The following ABLIM1 variants were observed in gnomAD, a reference collection of about 807,000 sequenced individuals.
The protein encoded by ABLIM1 is actin binding LIM protein 1.
A neutral mutation model predicts 107.0 loss-of-function variants in ABLIM1; 40 were observed. That is an observed-to-expected ratio of 0.37 (90% CI 0.29 to 0.49). The LOEUF (loss-of-function observed/expected upper bound fraction) is 0.49. ABLIM1 is among the 20% of genes least tolerant of loss of function. ABLIM1 has a pLI of 0.97. For synonymous variants in ABLIM1, 357 were observed against 357.3 expected (o/e 1.00, Z 0.01); for missense variants, 857 against 1,008.5 (o/e 0.85, Z 2.04).
chr10:114,588,364 T>C (rs775122728), intron 2 of ABLIM1, among the ~76,000 whole-genome samples: 1 of 135,556 alleles, frequency 7.4e-6, no homozygotes, highest in African/African-American at 3.3e-5. Flanking sequence ...TGAGGCTGTT[T>C]TGAAAAAAAA....
chr10:114,652,642 T>A (rs73362061), intron 1 of ABLIM1, among the ~76,000 whole-genome samples: 2,586 of 152,316 alleles, frequency 0.017, 65 homozygotes, highest in African/African-American at 0.059. Context: ...AACATTCTGC[T>A]TTGGGATTTG....
rs1186991876 is a variant in ABLIM1 at position 114,707,801 on chromosome 10, T to A, written c.-213+60260A>T. On this transcript the variant is annotated intron_variant, in intron 1 of 15. Transcript: ENST00000651092. This position sits in a 1 kb window ranked among gnomAD's most constrained non-coding sequence, Gnocchi z 4.1. ...CTGTCATCCCAGCTACTCGGCAGGCTGAGGCAGGAGAATCACTTGAACATG... is the reference window on the plus strand; with the variant it reads ...CTGTCATCCCAGCTACTCGGCAGGCAGAGGCAGGAGAATCACTTGAACATG... Among the ~76,000 whole-genome samples the A allele has an allele frequency of 2.6e-5, 4 of 152,006 alleles. No homozygotes were observed. Among genetic ancestry groups the A allele is most frequent in the Non-Finnish European group, 5.9e-5 (4 of 68,012 alleles).
At chr10:114,661,948 G>A (rs11814261), upstream of ABLIM1, among the ~76,000 whole-genome samples, 2 of 152,148 alleles carry the variant, frequency 1.3e-5, no homozygotes, top group Admixed American at 6.5e-5. Context: ...AGTGCTCGGC[G>A]AACAGATGCC....
chr10:114,640,484 G>A (rs1377953079), intron 1 of ABLIM1, among the ~76,000 whole-genome samples: 1 of 152,108 alleles, frequency 6.6e-6, no homozygotes, highest in Admixed American at 6.5e-5. Flanking sequence ...CCGAGATCGC[G>A]CCACTGCACT....
intron 4 of ABLIM1, among the ~76,000 whole-genome samples, chr10:114,556,209 G>A (rs933364687): frequency 4.6e-5 from 7 of 152,210 alleles, no homozygotes; most frequent in African/African-American, 1.7e-4. Context: ...TGGTGGAGGT[G>A]GAATGTGGGA....
chr10:114,601,518 A>G (rs548648978), intron 2 of ABLIM1, among the ~76,000 whole-genome samples: 10 of 152,090 alleles, frequency 6.6e-5, no homozygotes, highest in Admixed American at 1.3e-4. Flanking sequence ...CACCCGCCTC[A>G]GCCTCCCAAA....
At chr10:114,728,723 G>C (rs543780177) in intron 1 of ABLIM1, among the ~76,000 whole-genome samples, 18 of 152,188 alleles carry the variant, frequency 1.2e-4, no homozygotes, top group African/African-American at 3.9e-4. Flanking sequence ...AAGCATGATA[G>C]TGAGAACACC....
chr10:114,608,589 A>G (rs2076586678), intron 1 of ABLIM1, among the ~76,000 whole-genome samples: 1 of 152,042 alleles, frequency 6.6e-6, no homozygotes, highest in Non-Finnish European at 1.5e-5. Flanking sequence ...GAATCACTTG[A>G]ACCTGGGAGG....
intron 4 of ABLIM1, among the ~76,000 whole-genome samples, chr10:114,549,347 C>T (rs1442882193): frequency 6.6e-6 from 1 of 152,124 alleles, no homozygotes; most frequent in Non-Finnish European, 1.5e-5. Flanking sequence ...CATGCCATTG[C>T]ACTCCAGCCT....
At chr10:114,482,540 G>T (rs941343828) in intron 8 of ABLIM1, among the ~76,000 whole-genome samples, 9 of 152,010 alleles carry the variant, frequency 5.9e-5, no homozygotes, top group African/African-American at 2.2e-4. Context: ...GCATTGCTTT[G>T]GAGTTTTCTG....
At chr10:114,507,489 A>G (rs1411331821) in intron 6 of ABLIM1, among the ~76,000 whole-genome samples, 1 of 152,232 alleles carries the variant, frequency 6.6e-6, no homozygotes, top group Non-Finnish European at 1.5e-5. Context: ...AGAAAGAGAC[A>G]CACAATTCAC....
chr10:114,485,333 A>C (rs747331250), intron 8 of ABLIM1: 3 of 1,613,386 alleles, frequency 1.9e-6, no homozygotes, highest in Non-Finnish European at 2.5e-6. Context: ...GTCGAATCAG[A>C]CTTTTGGAAT....
chr10:114,640,097 C>T (rs2078670002), intron 1 of ABLIM1, among the ~76,000 whole-genome samples: 1 of 152,216 alleles, frequency 6.6e-6, no homozygotes, highest in African/African-American at 2.4e-5. Flanking sequence ...CAACCACTCA[C>T]ACCAAAAATG....
intron 7 of ABLIM1, among the ~76,000 whole-genome samples, chr10:114,490,974 A>ATGTGTGTGTGTGTG (rs140256636): frequency 4.2e-4 from 42 of 99,228 alleles, no homozygotes; most frequent in South Asian, 1.2e-3. Context: ...CGGCATATAT[A>ATGTGTGTGTGTGTG]TGTGTGTGTG....
intron 1 of ABLIM1, among the ~76,000 whole-genome samples, chr10:114,740,125 T>A (rs927601679): frequency 6.6e-6 from 1 of 152,128 alleles, no homozygotes; most frequent in Non-Finnish European, 1.5e-5. Flanking sequence ...GTGTCTAGGC[T>A]ATACATGGAG....
chr10:114,724,531 T>A lies in ABLIM1; in HGVS notation c.-213+43530A>T, dbSNP rs147958502. On this transcript the variant is annotated intron_variant, in intron 1 of 15. Coordinates refer to the ABLIM1 transcript ENST00000651092. ...ACAAGGCCTGCCCTGAGAGTCACCC[T>A]GTCTTGCCCAACCTGCTCTCTCCCT... Among the ~76,000 whole-genome samples, 431 of 152,304 alleles carry A rather than the reference T, an allele frequency of 2.8e-3. 4 individuals are homozygous for A. The highest frequency in any genetic ancestry group is 8.3e-3 in the South Asian group (40 of 4,828).
chr10:114,513,372 T>C, intron 6 of ABLIM1, among the ~76,000 whole-genome samples: 1 of 152,160 alleles, frequency 6.6e-6, no homozygotes, highest in African/African-American at 2.4e-5. Context: ...AGAAATTAGC[T>C]TCATTTCAGT....
chr10:114,701,078 C>A (rs2081298496), intron 1 of ABLIM1, among the ~76,000 whole-genome samples: 1 of 151,958 alleles, frequency 6.6e-6, no homozygotes, highest in South Asian at 2.1e-4. Flanking sequence ...AAAAAAAACT[C>A]CTACAACTCA....
intron 6 of ABLIM1, among the ~76,000 whole-genome samples, chr10:114,537,482 T>G (rs1022308244): frequency 2.6e-5 from 4 of 152,206 alleles, no homozygotes; most frequent in Admixed American, 6.5e-5. Context: ...AACTGCATGT[T>G]TGTATCCATT....
Sources: gnomAD v4.1 joint callset for allele counts (sites outside exome capture counted in the v4.1 genomes callset) on GRCh38, gnomAD v4.1.1 for gene constraint, Gnocchi (gnomAD v3.1) non-coding constraint, MANE v1.5 for transcripts, NCBI Gene and HGNC (gene_info 2026-07-23, HGNC 2026-07-21) for gene names.